The following SH3RF3 variants were observed in gnomAD, a reference collection of about 807,000 sequenced individuals.
SH3RF3 encodes E3 ubiquitin-protein ligase SH3RF3.
Under a neutral mutation model 66.3 loss-of-function variants are expected in SH3RF3, and 29 were observed. The ratio of observed to expected loss-of-function variants is 0.44; its 90% CI spans 0.33 to 0.60. SH3RF3 has a LOEUF of 0.60. Ranked by LOEUF, SH3RF3 falls within the 20% of genes least tolerant of loss-of-function variation. The pLI is 0.04. For missense variants in SH3RF3, 1,194 were observed against 1,190.9 expected, an observed-to-expected ratio of 1.00 and a Z score of -0.04; for synonymous variants, 583 against 532.0, an observed-to-expected ratio of 1.10 and a Z score of -1.32.
intron 1 of SH3RF3, among the ~76,000 whole-genome samples, chr2:109,163,595 T>G (rs1436030113): frequency 9.2e-5 from 14 of 151,564 alleles, no homozygotes; most frequent in Middle Eastern, 3.4e-3. Flanking sequence ...GAGACGGGGT[T>G]TCACCGTTTT....
In SH3RF3 at chr2:109,439,267, C is replaced by T. The variant is rs374150258; in HGVS notation, c.1828+2121C>T. On this transcript the variant is annotated intron_variant, in intron 7 of 9. Coordinates refer to ENST00000309415, the MANE Select transcript of SH3RF3 (RefSeq NM_001099289.3). ...TGTTACACACGGGGAGAGTGAGGCA[C>T]GGGATGGTTAAACGGCTCCCCAGTG... Among the ~76,000 whole-genome samples, 18 of 152,208 alleles carry T rather than the reference C, an allele frequency of 1.2e-4. No homozygotes were observed. The East Asian group carries it at 1.5e-3, about 13-fold the overall frequency.
chr2:109,369,901 T>C (rs1442330285), intron 2 of SH3RF3, among the ~76,000 whole-genome samples: 1 of 152,170 alleles, frequency 6.6e-6, no homozygotes, highest in Admixed American at 6.5e-5. Flanking sequence ...AATTGCTGCT[T>C]TGTGTTACAG....
chr2:109,501,822 G>A lies in SH3RF3; in HGVS notation c.*151G>A, dbSNP rs1679397197. ...ACCCTGGCCCAGGGTGGGGGCCAGG[G>A]ACTGTGGAGGTCGTGCCTTCTCCCA... On this transcript the variant is annotated 3_prime_UTR_variant, in exon 10 of 10. Transcript: ENST00000309415. The A allele has an allele frequency of 1.7e-6, 1 of 599,328 alleles. No individual in the cohort carries two copies. Among genetic ancestry groups the A allele is most frequent in the East Asian group, 2.7e-5 (1 of 36,380 alleles). 37.1% of individuals were successfully genotyped at this position (599,328 alleles called of 1,614,324 possible).
chr2:109,213,142 G>A (rs888030491), intron 1 of SH3RF3, among the ~76,000 whole-genome samples: 4 of 152,198 alleles, frequency 2.6e-5, no homozygotes, highest in Non-Finnish European at 5.9e-5. Flanking sequence ...TGAACACCCA[G>A]TTTTTAAACT....
intron 1 of SH3RF3, chr2:109,251,309 A>G: frequency 1.2e-5 from 5 of 420,686 alleles, no homozygotes; most frequent in Admixed American, 1.0e-4. Flanking sequence ...GCCCGGCCCA[A>G]ATTATCTTTA....
chr2:109,487,589 C>T (rs1270004040), intron 8 of SH3RF3, among the ~76,000 whole-genome samples: 3 of 152,190 alleles, frequency 2.0e-5, no homozygotes, highest in Non-Finnish European at 2.9e-5. Context: ...ATCACATTTA[C>T]GCACCCCACC....
chr2:109,485,637 TCTC>T (rs1370693616), intron 8 of SH3RF3, among the ~76,000 whole-genome samples: 1 of 152,252 alleles, frequency 6.6e-6, no homozygotes, highest in Non-Finnish European at 1.5e-5. Flanking sequence ...CCTTCAAAAT[TCTC>T]CTTTTTAAAT....
chr2:109,164,786 A>G (rs1269314572), intron 1 of SH3RF3, among the ~76,000 whole-genome samples: 2 of 152,192 alleles, frequency 1.3e-5, no homozygotes, highest in Non-Finnish European at 2.9e-5. Context: ...CAAGCTGGCA[A>G]AAACTGCCAC....
chr2:109,350,796 G>A (rs1228456970), intron 2 of SH3RF3, among the ~76,000 whole-genome samples: 1 of 152,196 alleles, frequency 6.6e-6, no homozygotes, highest in Non-Finnish European at 1.5e-5. Context: ...CGTAGGTGCT[G>A]GTTCATGCCA....
chr2:109,338,001 G>A (rs1682465354), intron 1 of SH3RF3, among the ~76,000 whole-genome samples: 1 of 152,070 alleles, frequency 6.6e-6, no homozygotes, highest in Non-Finnish European at 1.5e-5. Context: ...CAAAGTGTTG[G>A]GATTACAGGC....
chr2:109,405,025 C>T (rs1329828375), intron 4 of SH3RF3, among the ~76,000 whole-genome samples: 1 of 149,490 alleles, frequency 6.7e-6, no homozygotes, highest in Non-Finnish European at 1.5e-5. Flanking sequence ...CTTCTCTTCC[C>T]CTACATCTCT....
chr2:109,139,664 A>G (rs1027850194), intron 1 of SH3RF3, among the ~76,000 whole-genome samples: 1 of 152,166 alleles, frequency 6.6e-6, no homozygotes, highest in Non-Finnish European at 1.5e-5. Flanking sequence ...GTTTTCCTGG[A>G]TTTAAAGTTG....
chr2:109,489,776 C>T (rs968561872), intron 8 of SH3RF3, among the ~76,000 whole-genome samples: 1 of 152,090 alleles, frequency 6.6e-6, no homozygotes, highest in East Asian at 1.9e-4. Flanking sequence ...CTCGCTCTGT[C>T]ACCCAGGCTG....
intron 1 of SH3RF3, among the ~76,000 whole-genome samples, chr2:109,221,336 A>C (rs929294387): frequency 6.6e-6 from 1 of 152,110 alleles, no homozygotes; most frequent in Non-Finnish European, 1.5e-5. Flanking sequence ...TAATCCCAGC[A>C]TTTTGGGAGG....
At chr2:109,301,547 C>A (rs7601259) in intron 1 of SH3RF3, among the ~76,000 whole-genome samples, 1 of 151,900 alleles carries the variant, frequency 6.6e-6, no homozygotes, top group Non-Finnish European at 1.5e-5. Flanking sequence ...GTGCCCAGAG[C>A]CCATAAACCA....
At chr2:109,209,344 G>A (rs2105100024) in intron 1 of SH3RF3, among the ~76,000 whole-genome samples, 1 of 152,246 alleles carries the variant, frequency 6.6e-6, no homozygotes, top group Non-Finnish European at 1.5e-5. Context: ...TGGTGTGCTG[G>A]CAAACGTTTA....
intron 3 of SH3RF3, among the ~76,000 whole-genome samples, chr2:109,380,135 C>T (rs1683480789): frequency 6.6e-6 from 1 of 152,214 alleles, no homozygotes; most frequent in African/African-American, 2.4e-5. Flanking sequence ...TCCACACATA[C>T]ATGGGTGTTC....
intron 6 of SH3RF3, among the ~76,000 whole-genome samples, chr2:109,433,454 C>T (rs890264277): frequency 1.3e-5 from 2 of 152,208 alleles, no homozygotes; most frequent in South Asian, 2.1e-4. Flanking sequence ...AGATGAGGAT[C>T]CACAGCTTGG....
intron 1 of SH3RF3, among the ~76,000 whole-genome samples, chr2:109,318,875 C>T (rs1184706547): frequency 1.3e-5 from 2 of 152,224 alleles, no homozygotes; most frequent in Non-Finnish European, 2.9e-5. Context: ...GGAACCAAAG[C>T]CAGCTGGAAT....
Sources: allele counts gnomAD v4.1 joint callset (sites outside exome capture counted in the v4.1 genomes callset), GRCh38; gene constraint gnomAD v4.1.1; transcripts MANE v1.5; gene names NCBI Gene and HGNC (gene_info 2026-07-23, HGNC 2026-07-21).